The following FER1L6 variants were observed in gnomAD, a reference collection of about 807,000 sequenced individuals.
FER1L6 encodes fer-1-like protein 6.
A neutral mutation model predicts 219.2 loss-of-function variants in FER1L6; 177 were observed. That is an observed-to-expected ratio of 0.81 (90% CI 0.71 to 0.91). The LOEUF is 0.91. Among genes scored for constraint, FER1L6 ranks in the 40% least tolerant of loss-of-function variants. FER1L6 has a pLI of 0.00. For synonymous variants in FER1L6, 768 were observed against 824.3 expected (o/e 0.93, Z 1.17); for missense variants, 2,153 against 2,259.9 (o/e 0.95, Z 0.96).
At chr8:123,996,209 T>C (rs1195920819) in intron 12 of FER1L6, among the ~76,000 whole-genome samples, 1 of 152,200 alleles carries the variant, frequency 6.6e-6, no homozygotes, top group Non-Finnish European at 1.5e-5. Context: ...GTTTTTCTGT[T>C]GATTTTCTGT....
intron 7 of FER1L6, among the ~76,000 whole-genome samples, chr8:123,974,697 G>C (rs1815983895): frequency 1.8e-5 from 2 of 111,932 alleles, no homozygotes; most frequent in Admixed American, 1.7e-4. Flanking sequence ...TGTGAAGCCA[G>C]TATTGCCAGA....
chr8:123,860,057 G>C (rs1816719086), intron 1 of FER1L6, among the ~76,000 whole-genome samples: 1 of 139,328 alleles, frequency 7.2e-6, no homozygotes, highest in Non-Finnish European at 1.5e-5. Context: ...GTATACATGT[G>C]CCATGCTGGT....
chr8:123,981,332 C>T (rs1291724201), intron 11 of FER1L6, among the ~76,000 whole-genome samples: 1 of 151,952 alleles, frequency 6.6e-6, no homozygotes, highest in African/African-American at 2.4e-5. Context: ...TTAGCACTTT[C>T]CCAGCCCGGT....
intron 11 of FER1L6, among the ~76,000 whole-genome samples, chr8:123,981,862 T>C (rs1412912991): frequency 6.6e-6 from 1 of 152,172 alleles, no homozygotes; most frequent in Non-Finnish European, 1.5e-5. Context: ...AGGAAATGCA[T>C]GTAAAATGGT....
chr8:123,911,382 G>A (rs1813044430), intron 1 of FER1L6, among the ~76,000 whole-genome samples: 1 of 152,140 alleles, frequency 6.6e-6, no homozygotes, highest in South Asian at 2.1e-4. Flanking sequence ...AATAACTGCA[G>A]CTACCACTTA....
intron 1 of FER1L6, among the ~76,000 whole-genome samples, chr8:123,905,893 A>G (rs1270735952): frequency 2.0e-5 from 3 of 152,216 alleles, no homozygotes; most frequent in Non-Finnish European, 4.4e-5. Context: ...AGGTTTAAAC[A>G]ACAACAAAAA....
At chr8:123,975,386 T>A in intron 8 of FER1L6, 80 bp downstream of exon 8, 1 of 1,353,684 alleles carries the variant, frequency 7.4e-7, no homozygotes. Flanking sequence ...ACCACTTTTC[T>A]TATGGGTACA....
chr8:124,015,607 A>ATATATATATATATATGTATGTATGTATG (rs71289634), intron 15 of FER1L6, among the ~76,000 whole-genome samples: 1 of 88,606 alleles, frequency 1.1e-5, no homozygotes, highest in African/African-American at 4.3e-5. Context: ...ATATATATAT[A>ATATATATATATATATGTATGTATGTATG]TATATATATT....
chr8:124,017,700 G>T lies in FER1L6; in HGVS notation c.1995G>T (p.Thr665=). 1.2e-6 allele frequency: 2 copies of T among 1,613,458 alleles called. No homozygotes were observed. The highest frequency in any genetic ancestry group is 1.7e-6 in the Non-Finnish European group (2 of 1,179,474). ...NQTTLDKKRL[T]LCWQELEAMC... ...CCACTTTAGATAAGAAGCGACTTACGCTCTGCTGGCAGGAGCTGGTATGTG... is the reference window on the plus strand; with the variant it reads ...CCACTTTAGATAAGAAGCGACTTACTCTCTGCTGGCAGGAGCTGGTATGTG... Residue 665 remains threonine, a synonymous_variant, in exon 16 of 41, where the codon ACG becomes ACT. Coordinates refer to ENST00000522917, the MANE Select transcript of FER1L6 (RefSeq NM_001039112.2).
intron 31 of FER1L6, among the ~76,000 whole-genome samples, chr8:124,073,648 G>A (rs1224387085): frequency 6.6e-6 from 1 of 151,908 alleles, no homozygotes; most frequent in Non-Finnish European, 1.5e-5. Context: ...CCTTTTAGTA[G>A]CTGTATAGCA....
At chr8:123,958,909 G>A (rs866289397) in intron 2 of FER1L6, among the ~76,000 whole-genome samples, 1 of 151,576 alleles carries the variant, frequency 6.6e-6, no homozygotes, top group Non-Finnish European at 1.5e-5. Flanking sequence ...TGTGAGATTC[G>A]ACGGAACTGA....
intron 15 of FER1L6, among the ~76,000 whole-genome samples, chr8:124,016,648 C>G (rs914648962): frequency 6.6e-6 from 1 of 152,186 alleles, no homozygotes; most frequent in African/African-American, 2.4e-5. Flanking sequence ...ATTTGCTCAG[C>G]AGGTTGCCTT....
chr8:123,966,026 A>G lies in FER1L6; in HGVS notation c.217A>G (p.Ile73Val). ...PKRRSKLLTK[I>V]HDGEVRSQNY... ...TAATAGATCAAAACTGTTGACTAAG[A>G]TCCATGATGGGGAGGTCAGATCCCA... Residue 73 changes from isoleucine (I) to valine (V), a missense_variant, in exon 4 of 41, where the codon ATC becomes GTC. By Grantham distance (29) the Ile-to-Val change is conservative. Coordinates refer to ENST00000522917, the MANE Select transcript of FER1L6 (RefSeq NM_001039112.2). 6.2e-7 allele frequency: 1 copy of G among 1,613,662 alleles called. No homozygotes were observed.
intron 27 of FER1L6, among the ~76,000 whole-genome samples, 188 bp from the exon 28 acceptor site, chr8:124,067,579 A>G (rs1206655396): frequency 6.6e-6 from 1 of 152,200 alleles, no homozygotes; most frequent in African/African-American, 2.4e-5. Context: ...TTTTTAGGAT[A>G]GGGCATCCTA....
At chr8:123,880,578 A>G (rs1365670730) in intron 1 of FER1L6, among the ~76,000 whole-genome samples, 1 of 152,088 alleles carries the variant, frequency 6.6e-6, no homozygotes, top group Non-Finnish European at 1.5e-5. Flanking sequence ...AGGGAAGCTG[A>G]CCCAGGGTAT....
At chr8:123,973,539 T>C (rs766568467) in intron 7 of FER1L6, 27 bp downstream of exon 7, 2 of 1,565,338 alleles carry the variant, frequency 1.3e-6, no homozygotes, top group African/African-American at 1.4e-5. Context: ...TCCCCATCTG[T>C]ATCTCACTTG....
At chr8:124,089,420 T>G (rs1468093471) in intron 33 of FER1L6, among the ~76,000 whole-genome samples, 1 of 152,248 alleles carries the variant, frequency 6.6e-6, no homozygotes, top group African/African-American at 2.4e-5. Flanking sequence ...CAAGACTGTC[T>G]TTCTTACCCT....
intron 1 of FER1L6, among the ~76,000 whole-genome samples, chr8:123,874,594 A>G (rs1298556027): frequency 6.6e-6 from 1 of 152,182 alleles, no homozygotes. Context: ...TCCCAATACC[A>G]ATGCATCTGT....
intron 11 of FER1L6, among the ~76,000 whole-genome samples, chr8:123,983,724 A>G (rs1816426833): frequency 6.6e-6 from 1 of 152,220 alleles, no homozygotes; most frequent in African/African-American, 2.4e-5. Context: ...TATTTCCAAG[A>G]ATAACCTCTT....
Sources: allele counts gnomAD v4.1 joint callset (sites outside exome capture counted in the v4.1 genomes callset), GRCh38; gene constraint gnomAD v4.1.1; transcripts MANE v1.5; gene names NCBI Gene and HGNC (gene_info 2026-07-23, HGNC 2026-07-21).